ABI2: variants seen among roughly 807,000 people sequenced by gnomAD.
The protein encoded by ABI2 is abl interactor 2.
Under a neutral mutation model 59.2 loss-of-function variants are expected in ABI2, and 25 were observed. The ratio of observed to expected loss-of-function variants is 0.42; its 90% CI spans 0.31 to 0.59. The LOEUF (loss-of-function observed/expected upper bound fraction) is 0.59. Ranked by LOEUF, ABI2 falls within the 20% of genes least tolerant of loss-of-function variation. The pLI, the probability that ABI2 is intolerant of heterozygous loss-of-function variation, is 0.14. For missense variants in ABI2, 545 were observed against 681.8 expected, an observed-to-expected ratio of 0.80 and a Z score of 2.23; for synonymous variants, 213 against 235.5, an observed-to-expected ratio of 0.90 and a Z score of 0.87.
At position 203,369,790 on chromosome 2, in the gene ABI2, A is replaced by G. The variant is rs145019261; in HGVS notation, c.285+2746A>G. Among the ~76,000 whole-genome samples, 49 of 152,314 alleles carry G rather than the reference A, an allele frequency of 3.2e-4. 1 individual carries two copies. Among genetic ancestry groups the G allele is most frequent in the Middle Eastern group, 3.4e-3 (1 of 294 alleles). ...TCAGTGGCTGTTAAGTTTATACAGA[A>G]TATAAATTATTATGTTGGATAAAGG... On this transcript the variant is annotated intron_variant, in intron 2 of 11. Transcript: ENST00000261018.
chr2:203,364,269 T>C (rs574284476), intron 1 of ABI2, among the ~76,000 whole-genome samples: 1 of 152,052 alleles, frequency 6.6e-6, no homozygotes, highest in Non-Finnish European at 1.5e-5. Flanking sequence ...AATTTTTGTA[T>C]TTTTAGTAGA....
intron 1 of ABI2, among the ~76,000 whole-genome samples, chr2:203,333,333 G>A (rs550133930): frequency 6.6e-6 from 1 of 152,188 alleles, no homozygotes; most frequent in South Asian, 2.1e-4. Context: ...GTAGAAATGG[G>A]TTTATGTTCT....
At chr2:203,421,928 C>T (rs967017615) in intron 11 of ABI2, among the ~76,000 whole-genome samples, 13 of 148,472 alleles carry the variant, frequency 8.8e-5, no homozygotes, top group African/African-American at 1.5e-4. Context: ...CACTCGCCAC[C>T]GCACTCCAGC....
At chr2:203,342,299 A>G (rs1017776008) in intron 1 of ABI2, 4 of 437,736 alleles carry the variant, frequency 9.1e-6, no homozygotes, top group African/African-American at 8.2e-5. Flanking sequence ...TTCGTTGTAA[A>G]TTTTGAATTA....
At chr2:203,358,006 G>A (rs1415213626) in intron 1 of ABI2, among the ~76,000 whole-genome samples, 1 of 151,638 alleles carries the variant, frequency 6.6e-6, no homozygotes, top group African/African-American at 2.4e-5. Flanking sequence ...GACCTCCTGT[G>A]ATCCATCCGC....
At chr2:203,347,965 C>T (rs377273662) in intron 1 of ABI2, among the ~76,000 whole-genome samples, 31 of 152,070 alleles carry the variant, frequency 2.0e-4, no homozygotes, top group African/African-American at 7.2e-4. Context: ...TTGGGCTGGG[C>T]GCAGGTGGCT....
chr2:203,359,531 G>A (rs2093040112), intron 1 of ABI2, among the ~76,000 whole-genome samples: 1 of 152,182 alleles, frequency 6.6e-6, no homozygotes, highest in African/African-American at 2.4e-5. Context: ...AAATGTATGT[G>A]TCTTAGTTCA....
At chr2:203,412,885 G>GCC (rs2097735670) in intron 10 of ABI2, among the ~76,000 whole-genome samples, 1 of 152,048 alleles carries the variant, frequency 6.6e-6, no homozygotes, top group African/African-American at 2.4e-5. Flanking sequence ...ATTACAGTAC[G>GCC]AGAATTGAAG....
intron 5 of ABI2, among the ~76,000 whole-genome samples, chr2:203,393,735 A>G (rs1228848759): frequency 2.0e-5 from 3 of 152,236 alleles, no homozygotes; most frequent in African/African-American, 4.8e-5. Flanking sequence ...AGGAAAAGAA[A>G]GGTTTTTAAT....
chr2:203,340,221 A>G (rs909385742), intron 1 of ABI2, among the ~76,000 whole-genome samples: 2 of 152,224 alleles, frequency 1.3e-5, no homozygotes, highest in African/African-American at 4.8e-5. Flanking sequence ...TTATCGGCCA[A>G]GGGCCGTTGG....
At chr2:203,417,310 A>G (rs567354220) in intron 11 of ABI2, among the ~76,000 whole-genome samples, 1 of 152,338 alleles carries the variant, frequency 6.6e-6, no homozygotes, top group South Asian at 2.1e-4. Context: ...CCTATTGGAC[A>G]TGCTTTTTAT....
chr2:203,396,035 C>T (rs1461140173), intron 7 of ABI2, among the ~76,000 whole-genome samples: 3 of 152,138 alleles, frequency 2.0e-5, no homozygotes, highest in Non-Finnish European at 4.4e-5. Flanking sequence ...GTTATGAGTA[C>T]AAGTTTAATT....
chr2:203,402,575 G>T lies in ABI2; in HGVS notation c.1034-1G>T. The T allele has an allele frequency of 1.4e-6, 2 of 1,477,940 alleles. No individual in the cohort carries two copies. The highest frequency in any genetic ancestry group is 1.8e-6 in the Non-Finnish European group (2 of 1,114,386). The allele number at this position is 1,477,940 out of a possible 1,614,324, so 91.6% of individuals were successfully genotyped here. On this transcript the variant is annotated splice_acceptor_variant, in intron 8 of 11. Transcript: ENST00000261018. LOFTEE classifies it high-confidence loss of function. ...ATATGTATGTTCTATCTCTTTTTCA[G>T]GTCATCCTGTACAGTTCTACAGCAT...
At chr2:203,392,275 T>TCACCACCATCAC (rs2096772317) in intron 5 of ABI2, among the ~76,000 whole-genome samples, 2 of 127,264 alleles carry the variant, frequency 1.6e-5, no homozygotes, top group African/African-American at 5.9e-5. Context: ...ACCACCACCA[T>TCACCACCATCAC]CACCACCACC....
At chr2:203,378,878 A>C (rs2095899420) in intron 2 of ABI2, among the ~76,000 whole-genome samples, 1 of 152,306 alleles carries the variant, frequency 6.6e-6, no homozygotes, top group Non-Finnish European at 1.5e-5. Context: ...TGTATTCAGC[A>C]CATAATTCAT....
chr2:203,377,398 T>C (rs958986877), intron 2 of ABI2, among the ~76,000 whole-genome samples: 21 of 152,208 alleles, frequency 1.4e-4, no homozygotes, highest in African/African-American at 4.8e-4. Flanking sequence ...GTTTACACTC[T>C]TATAGTTTCA....
At chr2:203,350,698 C>T (rs182532723) in intron 1 of ABI2, among the ~76,000 whole-genome samples, 97 of 151,716 alleles carry the variant, frequency 6.4e-4, no homozygotes, top group African/African-American at 2.0e-3. Flanking sequence ...CGCCACTGTG[C>T]GCAGCTAATT....
chr2:203,405,926 C>T (rs959880709), intron 9 of ABI2, among the ~76,000 whole-genome samples: 1 of 152,130 alleles, frequency 6.6e-6, no homozygotes, highest in African/African-American at 2.4e-5. Context: ...CACCCAGTGT[C>T]TAGTGCCAAG....
At chr2:203,386,208 CT>C (rs2096500417) in intron 4 of ABI2, among the ~76,000 whole-genome samples, 1 of 152,098 alleles carries the variant, frequency 6.6e-6, no homozygotes, top group Admixed American at 6.5e-5. Context: ...ACTGACCTCA[CT>C]TTTTTCCCAT....
Sources: gnomAD v4.1 joint callset for allele counts (sites outside exome capture counted in the v4.1 genomes callset) on GRCh38, gnomAD v4.1.1 for gene constraint, MANE v1.5 for transcripts, NCBI Gene and HGNC (gene_info 2026-07-23, HGNC 2026-07-21) for gene names.